The following LMF1 variants were observed in gnomAD, a reference collection of about 807,000 sequenced individuals.
LMF1 encodes the protein lipase maturation factor 1.
In LMF1, 68 loss-of-function variants were observed where a neutral mutation model predicts 60.6. The observed-to-expected ratio is 1.12, with a 90% confidence interval of 0.92 to 1.37. LMF1 has a LOEUF of 1.37. Ranked by LOEUF, LMF1 falls within the 40% of genes most tolerant of loss-of-function variation. The pLI, the probability that LMF1 is intolerant of heterozygous loss-of-function variation, is 0.00. For synonymous variants in LMF1, 418 were observed against 324.7 expected, an observed-to-expected ratio of 1.29 and a Z score of -3.09; for missense variants, 948 against 767.2, an observed-to-expected ratio of 1.24 and a Z score of -2.78.
At chr16:890,147 C>T (rs775386384) in intron 5 of LMF1, among the ~76,000 whole-genome samples, 41 of 152,170 alleles carry the variant, frequency 2.7e-4, no homozygotes, top group Non-Finnish European at 4.9e-4. Flanking sequence ...CCCCTGAGGC[C>T]GGTATATGGG....
intron 2 of LMF1, among the ~76,000 whole-genome samples, chr16:953,090 T>C (rs2072532262): frequency 1.2e-5 from 1 of 86,754 alleles, no homozygotes; most frequent in Non-Finnish European, 2.3e-5. Context: ...ACCAGCCTCC[T>C]ACACGTCCAC....
chr16:866,345 G>T (rs570911690), intron 10 of LMF1, among the ~76,000 whole-genome samples: 185 of 152,360 alleles, frequency 1.2e-3, no homozygotes, highest in African/African-American at 4.3e-3. Context: ...TTGTTTCTGG[G>T]TAGGGTGGGA....
intron 10 of LMF1, among the ~76,000 whole-genome samples, chr16:863,750 C>T (rs2069535346): frequency 6.6e-6 from 1 of 152,256 alleles, no homozygotes; most frequent in African/African-American, 2.4e-5. Context: ...CCTCCCACCT[C>T]AGCCTCCTGA....
At chr16:952,670 A>C (rs1367135238) in intron 2 of LMF1, 11 of 153,756 alleles carry the variant, frequency 7.2e-5, no homozygotes, top group African/African-American at 2.7e-4. Context: ...AAGACACAAG[A>C]GCCATCCTCA....
At chr16:916,522 T>G (rs954193095) in intron 3 of LMF1, among the ~76,000 whole-genome samples, 2 of 152,210 alleles carry the variant, frequency 1.3e-5, no homozygotes, top group African/African-American at 4.8e-5. Context: ...GAACAGGGGC[T>G]GTGGGCTACA....
intron 1 of LMF1, chr16:964,166 T>C (rs774612692): frequency 4.0e-5 from 18 of 454,910 alleles, no homozygotes; most frequent in Non-Finnish European, 2.2e-5. Flanking sequence ...CGTGGCAGCC[T>C]GTGCCCGTAG....
At chr16:854,841 C>A in intron 10 of LMF1, 135 bp from the exon 11 acceptor site, 1 of 818,904 alleles carries the variant, frequency 1.2e-6, no homozygotes, top group Admixed American at 2.0e-5. Flanking sequence ...AGCCCCCACC[C>A]TGAGCACAGG....
chr16:918,226 G>A (rs1013911970), intron 3 of LMF1, among the ~76,000 whole-genome samples: 49 of 152,184 alleles, frequency 3.2e-4, no homozygotes, highest in Admixed American at 5.2e-4. Flanking sequence ...GGGCGCTGCC[G>A]AGAAACAGGA....
intron 2 of LMF1, among the ~76,000 whole-genome samples, chr16:950,000 G>A (rs1167648971): frequency 7.0e-6 from 1 of 142,718 alleles, no homozygotes; most frequent in African/African-American, 2.7e-5. Context: ...GTCAGCCAAC[G>A]ACAGAGTCAG....
At chr16:946,967 G>A (rs963895622) in intron 2 of LMF1, among the ~76,000 whole-genome samples, 33 of 152,212 alleles carry the variant, frequency 2.2e-4, no homozygotes, top group African/African-American at 2.9e-4. Context: ...ACTAATCCCC[G>A]TCTAGCCAGG....
chr16:890,031 G>T (rs1011758783), intron 5 of LMF1, among the ~76,000 whole-genome samples: 2 of 152,138 alleles, frequency 1.3e-5, no homozygotes, highest in Non-Finnish European at 2.9e-5. Flanking sequence ...CCCAGATGTG[G>T]TGTCCTCGCT....
chr16:947,497 T>A (rs562725978), intron 2 of LMF1: 2 of 455,880 alleles, frequency 4.4e-6, no homozygotes, highest in East Asian at 1.4e-4. Context: ...CAGCGTCCCC[T>A]CCAGCCCTGG....
intron 5 of LMF1, among the ~76,000 whole-genome samples, chr16:885,859 T>C (rs2070292239): frequency 6.6e-6 from 1 of 152,192 alleles, no homozygotes; most frequent in African/African-American, 2.4e-5. Context: ...AAAAACACTA[T>C]TGGCCAATTT....
In LMF1 at chr16:957,261, C is replaced by T. The variant is rs569942747; in HGVS notation, c.194-2595G>A. On this transcript the variant is annotated intron_variant, in intron 1 of 10. Coordinates refer to ENST00000262301, the MANE Select transcript of LMF1 (RefSeq NM_022773.4). ...CACAAGTACATGCGGCTTCCTACTGCGTGTAGGAATCTGGCTTGGGGTCCA... is the reference window on the plus strand; with the variant it reads ...CACAAGTACATGCGGCTTCCTACTGTGTGTAGGAATCTGGCTTGGGGTCCA... 2.0e-4 allele frequency among the ~76,000 whole-genome samples: 31 copies of T among 152,296 alleles called. 2 individuals are homozygous for T. The South Asian group carries it at 3.5e-3, about 17-fold the overall frequency.
At position 854,522 on chromosome 16, in the gene LMF1, T is replaced by C. The variant is rs763850543; in HGVS notation, c.*10A>G. ...GGGGCTGGGTCTTCGCCTTTATTTC[T>C]GGTGCACGTCTAGAGGGGCCCGGGC... On this transcript the variant is annotated 3_prime_UTR_variant, in exon 11 of 11. Transcript: ENST00000262301. 3.1e-6 allele frequency: 5 copies of C among 1,604,500 alleles called. No homozygotes were observed. The highest frequency in any genetic ancestry group is 4.2e-6 in the Non-Finnish European group (5 of 1,178,210).
At chr16:976,559 C>G (rs1427034149) in intron 1 of LMF1, 2 of 453,982 alleles carry the variant, frequency 4.4e-6, no homozygotes, top group Non-Finnish European at 8.8e-6. Flanking sequence ...AGGGCTCCTG[C>G]CTAGGGATGT....
chr16:905,112 G>A (rs1596962357), intron 4 of LMF1: 1 of 162,154 alleles, frequency 6.2e-6, no homozygotes, highest in Non-Finnish European at 1.2e-5. Context: ...GCCTGTCTCT[G>A]CTGCGTGGTG....
chr16:870,152 GT>G, intron 8 of LMF1, 86 bp from the exon 9 acceptor site: 1 of 1,438,046 alleles, frequency 7.0e-7, no homozygotes, highest in East Asian at 2.4e-5. Flanking sequence ...TTCCCCGACT[GT>G]CCATCCTGGC....
chr16:932,884 C>T (rs12600256), intron 3 of LMF1, among the ~76,000 whole-genome samples: 1,814 of 151,326 alleles, frequency 0.012, 21 homozygotes, highest in South Asian at 0.089. Context: ...CACGTCTACT[C>T]GCTCCCACAC....
Sources: allele counts gnomAD v4.1 joint callset (sites outside exome capture counted in the v4.1 genomes callset), GRCh38; gene constraint gnomAD v4.1.1; transcripts MANE v1.5; gene names NCBI Gene and HGNC (gene_info 2026-07-23, HGNC 2026-07-21).